The following PLAC1 variants were observed in gnomAD, a reference collection of about 807,000 sequenced individuals.
PLAC1 encodes the protein placenta associated 1.
For missense variants in PLAC1, 136 were observed against 163.2 expected (o/e 0.83, Z 0.91); for synonymous variants, 68 against 62.1 (o/e 1.09, Z -0.44).
intron 2 of PLAC1, among the ~76,000 whole-genome samples, chrX:134,686,396 G>C (rs2078517112): frequency 9.0e-6 from 1 of 111,727 alleles, no homozygotes; most frequent in Non-Finnish European, 1.9e-5. Context: ...TCTTCTGTGG[G>C]ATAGTTTCAT....
At chrX:134,579,191 C>T (rs190184552) in intron 2 of PLAC1, among the ~76,000 whole-genome samples, 1 of 110,565 alleles carries the variant, frequency 9.0e-6, no homozygotes, top group Non-Finnish European at 1.9e-5. Flanking sequence ...TGTTATCCCT[C>T]TTGATCCTTG....
intron 1 of PLAC1, among the ~76,000 whole-genome samples, chrX:134,635,461 C>T (rs1191903712): frequency 1.8e-5 from 2 of 110,658 alleles, no homozygotes; most frequent in Admixed American, 9.6e-5. Flanking sequence ...CCTCAGCCGC[C>T]CGAGTAGTTG....
chrX:134,690,940 TC>T (rs2078534388), intron 2 of PLAC1, among the ~76,000 whole-genome samples: 1 of 23,576 alleles, frequency 4.2e-5, no homozygotes, highest in African/African-American at 2.3e-4. Flanking sequence ...AGATTCCGTC[TC>T]AAAAAAAAAA....
At chrX:134,698,356 G>A (rs778703135) in intron 2 of PLAC1, among the ~76,000 whole-genome samples, 8 of 111,404 alleles carry the variant, frequency 7.2e-5, no homozygotes, top group Non-Finnish European at 1.1e-4. Flanking sequence ...AGGAGGCTGA[G>A]GCAGGAGAAT....
chrX:134,643,972 A>T (rs1352240005), intron 1 of PLAC1, among the ~76,000 whole-genome samples: 23 of 105,441 alleles, frequency 2.2e-4, no homozygotes, highest in African/African-American at 7.8e-4. Flanking sequence ...CTATTTCATA[A>T]CATTGTAGGA....
chrX:134,599,067 T>A (rs1311992486), intron 2 of PLAC1, among the ~76,000 whole-genome samples: 3 of 111,701 alleles, frequency 2.7e-5, no homozygotes, highest in Non-Finnish European at 3.8e-5. Flanking sequence ...TCCTCATGTA[T>A]AAAATGAGGT....
At chrX:134,618,612 C>T (rs1289192654) in intron 1 of PLAC1, among the ~76,000 whole-genome samples, 5 of 111,402 alleles carry the variant, frequency 4.5e-5, no homozygotes, top group Admixed American at 2.9e-4. Flanking sequence ...GACGTGTTTT[C>T]GTTATGTTGC....
intron 1 of PLAC1, among the ~76,000 whole-genome samples, chrX:134,758,946 T>TA (rs1029353122): frequency 1.9e-4 from 21 of 111,205 alleles, no homozygotes; most frequent in Non-Finnish European, 3.8e-4. Context: ...ATATTCCCAC[T>TA]AAAAAATGGG....
At chrX:134,763,134 C>T (rs2078774597) in intron 1 of PLAC1, among the ~76,000 whole-genome samples, 1 of 111,656 alleles carries the variant, frequency 9.0e-6, no homozygotes, top group South Asian at 3.8e-4. Context: ...CCCTCACCTA[C>T]AACAGCCACA....
chrX:134,680,609 A>AAACAAAACT, intron 2 of PLAC1, among the ~76,000 whole-genome samples: 1 of 39,399 alleles, frequency 2.5e-5, no homozygotes, highest in Non-Finnish European at 5.8e-5. Context: ...TAAACTAAAC[A>AAACAAAACT]CCTTCCTTCC....
In PLAC1 at chrX:134,750,946, A is replaced by AAT. The variant is rs1260048973; in HGVS notation, n.89+13286_89+13287dup. The stretch of plus-strand genomic sequence containing the variant: ...ATATTTTTATATATATATATTTATA[A>AAT]ATATATATATATATATTTATATATA... On this transcript the variant is annotated intron_variant and non_coding_transcript_variant, in intron 1 of 2. Transcript: ENST00000466797. Among the ~76,000 whole-genome samples the AAT allele has an allele frequency of 8.7e-5, 3 of 34,521 alleles. 1 individual carries two copies. In the African/African-American group the frequency reaches 9.7e-4, roughly 11 times the overall value. The allele number at this position is 34,521 out of a possible 115,157, so 30.0% of individuals were successfully genotyped here.
chrX:134,667,059 A>G (rs1291162076), intron 2 of PLAC1, among the ~76,000 whole-genome samples: 2 of 112,407 alleles, frequency 1.8e-5, no homozygotes, highest in Non-Finnish European at 3.7e-5. Context: ...GTCAAAATGC[A>G]AGAGCCCAAA....
At chrX:134,569,019 C>T (rs779706346) in intron 2 of PLAC1, among the ~76,000 whole-genome samples, 38 of 110,659 alleles carry the variant, frequency 3.4e-4, no homozygotes, top group African/African-American at 1.1e-3. Flanking sequence ...GGCCTAATTG[C>T]CCTGAATGAA....
At chrX:134,610,505 G>T (rs2078147311) in intron 1 of PLAC1, among the ~76,000 whole-genome samples, 1 of 111,606 alleles carries the variant, frequency 9.0e-6, no homozygotes, top group Admixed American at 9.6e-5. Flanking sequence ...AATCCTCCCA[G>T]GAATCCTTGT....
chrX:134,637,636 T>A (rs1484625271), intron 1 of PLAC1, among the ~76,000 whole-genome samples: 1 of 111,708 alleles, frequency 9.0e-6, no homozygotes, highest in African/African-American at 3.3e-5. Context: ...TCACTTGAAG[T>A]CATGAGTTCA....
At chrX:134,571,865 G>A (rs911710197) in intron 2 of PLAC1, among the ~76,000 whole-genome samples, 4 of 111,641 alleles carry the variant, frequency 3.6e-5, no homozygotes, top group Non-Finnish European at 7.5e-5. Context: ...TCTGGTTTTG[G>A]AACGGTTTGG....
At chrX:134,660,240 G>A (rs189722888), upstream of PLAC1, among the ~76,000 whole-genome samples, 19 of 110,174 alleles carry the variant, frequency 1.7e-4, no homozygotes, top group Admixed American at 1.7e-3. Flanking sequence ...GAGTAGCTGG[G>A]ATTACAGGTG....
intron 2 of PLAC1, among the ~76,000 whole-genome samples, chrX:134,699,952 T>A (rs2078577188): frequency 8.9e-6 from 1 of 111,948 alleles, no homozygotes; most frequent in Non-Finnish European, 1.9e-5. Context: ...CCTTTCTATT[T>A]CTTCAGCACA....
chrX:134,737,239 C>T (rs1161364142), intron 1 of PLAC1, among the ~76,000 whole-genome samples: 2 of 112,433 alleles, frequency 1.8e-5, no homozygotes, highest in Non-Finnish European at 3.8e-5. Context: ...GTCGTTGGAA[C>T]ACTCAGACAA....
Sources: gnomAD v4.1 joint callset for allele counts (sites outside exome capture counted in the v4.1 genomes callset) on GRCh38, gnomAD v4.1.1 for gene constraint, MANE v1.5 for transcripts, NCBI Gene and HGNC (gene_info 2026-07-23, HGNC 2026-07-21) for gene names.